The following SLC24A2 variants were observed in gnomAD, a reference collection of about 807,000 sequenced individuals.
SLC24A2 encodes the protein solute carrier family 24 member 2, also known as sodium/potassium/calcium exchanger 2.
A neutral mutation model predicts 62.0 loss-of-function variants in SLC24A2; 36 were observed. That is an observed-to-expected ratio of 0.58 (90% CI 0.44 to 0.77). The LOEUF is 0.77. SLC24A2 is among the 30% of genes least tolerant of loss of function. The pLI is 0.00. For synonymous variants in SLC24A2, 358 were observed against 294.0 expected (o/e 1.22, Z -2.23); for missense variants, 846 against 817.9 (o/e 1.03, Z -0.42).
intron 2 of SLC24A2, among the ~76,000 whole-genome samples, chr9:19,718,502 G>A (rs1390845275): frequency 2.1e-5 from 3 of 142,766 alleles, no homozygotes; most frequent in African/African-American, 7.9e-5. Flanking sequence ...GTAGAAACAG[G>A]GTTTCACCAT....
chr9:19,674,601 T>C (rs889495717), intron 2 of SLC24A2, among the ~76,000 whole-genome samples: 4 of 152,242 alleles, frequency 2.6e-5, no homozygotes, highest in African/African-American at 4.8e-5. Flanking sequence ...ATTGGCTTAA[T>C]TTGAAAACCT....
intron 2 of SLC24A2, among the ~76,000 whole-genome samples, chr9:19,715,653 G>T (rs75725088): frequency 1.6e-4 from 25 of 152,270 alleles, no homozygotes; most frequent in African/African-American, 6.0e-4. Context: ...CAAATAAGCT[G>T]GCAAATGTGA....
chr9:19,914,757 C>A, the SLC24A2 span, among the ~76,000 whole-genome samples: 1 of 151,952 alleles, frequency 6.6e-6, no homozygotes, highest in East Asian at 1.9e-4. Context: ...GGCAAGAAGG[C>A]ATCCCATTTC....
intron 5 of SLC24A2, among the ~76,000 whole-genome samples, chr9:19,588,605 C>G (rs1836446043): frequency 6.6e-6 from 1 of 152,096 alleles, no homozygotes; most frequent in African/African-American, 2.4e-5. Context: ...TGTTATATTA[C>G]AAAGGCTTAT....
At chr9:19,531,841 T>C (rs1833725017) in intron 8 of SLC24A2, among the ~76,000 whole-genome samples, 1 of 152,096 alleles carries the variant, frequency 6.6e-6, no homozygotes, top group South Asian at 2.1e-4. Flanking sequence ...TCTTCATCTG[T>C]AAAATGGGAG....
At chr9:19,559,546 G>A (rs1183823269) in intron 7 of SLC24A2, among the ~76,000 whole-genome samples, 1 of 152,118 alleles carries the variant, frequency 6.6e-6, no homozygotes, top group Non-Finnish European at 1.5e-5. Flanking sequence ...GTTTTGTGCA[G>A]AGCTGAAAAC....
the SLC24A2 span, among the ~76,000 whole-genome samples, chr9:20,037,683 G>A: frequency 6.6e-6 from 1 of 152,136 alleles, no homozygotes; most frequent in East Asian, 1.9e-4. Flanking sequence ...CTAACACAGT[G>A]GTTCTCAACT....
intron 8 of SLC24A2, 102 bp downstream of exon 8, chr9:19,550,035 G>C (rs1486190333): frequency 1.0e-5 from 12 of 1,176,502 alleles, no homozygotes; most frequent in Non-Finnish European, 1.5e-5. Context: ...TTTGATACAA[G>C]TGTACTTCCT....
the SLC24A2 span, among the ~76,000 whole-genome samples, chr9:19,836,385 AC>A: frequency 1.3e-5 from 2 of 152,198 alleles, no homozygotes; most frequent in African/African-American, 4.8e-5. Flanking sequence ...ATAAAAAATG[AC>A]AAAGGGGATA....
the SLC24A2 span, among the ~76,000 whole-genome samples, chr9:19,981,027 T>G: frequency 2.6e-5 from 4 of 152,174 alleles, no homozygotes; most frequent in Non-Finnish European, 5.9e-5. Flanking sequence ...ATCTCCCCTT[T>G]ATAATGAATG....
intron 8 of SLC24A2, among the ~76,000 whole-genome samples, chr9:19,544,483 TG>T (rs1370654458): frequency 6.6e-6 from 1 of 152,164 alleles, no homozygotes; most frequent in Non-Finnish European, 1.5e-5. Context: ...TGATGCTAAC[TG>T]GTTATTTTGC....
At chr9:19,829,806 TATATACACACACACACACACAC>T in the SLC24A2 span, among the ~76,000 whole-genome samples, 1 of 111,700 alleles carries the variant, frequency 9.0e-6, no homozygotes, top group Admixed American at 8.9e-5. Flanking sequence ...TGTATATATA[TATATACACACACACACACACAC>T]ACACACACAC....
the SLC24A2 span, among the ~76,000 whole-genome samples, chr9:20,272,979 A>G: frequency 6.6e-6 from 1 of 152,192 alleles, no homozygotes; most frequent in Middle Eastern, 3.2e-3. Context: ...CATTTGGCCA[A>G]GCCAAGCCTA....
At chr9:20,131,833 C>A in the SLC24A2 span, among the ~76,000 whole-genome samples, 2 of 152,086 alleles carry the variant, frequency 1.3e-5, no homozygotes, top group African/African-American at 4.8e-5. Flanking sequence ...AATGAACACA[C>A]AGGTTTAGTG....
At chr9:19,548,155 G>T (rs1382965082) in intron 8 of SLC24A2, among the ~76,000 whole-genome samples, 1 of 151,560 alleles carries the variant, frequency 6.6e-6, no homozygotes, top group Non-Finnish European at 1.5e-5. Flanking sequence ...CAAGGTAATG[G>T]GATGGGGTTT....
the SLC24A2 span, among the ~76,000 whole-genome samples, chr9:19,864,181 C>T: frequency 6.6e-6 from 1 of 151,868 alleles, no homozygotes; most frequent in African/African-American, 2.4e-5. Context: ...GAGATTGAAG[C>T]CATGATAAAA....
chr9:19,760,268 C>G (rs1054609277), intron 2 of SLC24A2, among the ~76,000 whole-genome samples: 1 of 152,142 alleles, frequency 6.6e-6, no homozygotes, highest in Non-Finnish European at 1.5e-5. Context: ...CCCATCCATT[C>G]AAGGACAACG....
the SLC24A2 span, among the ~76,000 whole-genome samples, chr9:20,221,703 A>G: frequency 5.6e-4 from 85 of 152,192 alleles, no homozygotes; most frequent in African/African-American, 1.9e-3. Context: ...AAGAAAATGG[A>G]AGATGTTTAA....
chr9:19,602,599 TTTG>T (rs1162612965), intron 4 of SLC24A2, among the ~76,000 whole-genome samples: 8 of 152,140 alleles, frequency 5.3e-5, no homozygotes, highest in Non-Finnish European at 2.9e-5. Context: ...GATATTAGGT[TTTG>T]GTTTTTGAAA....
Sources: gnomAD v4.1 joint callset for allele counts (sites outside exome capture counted in the v4.1 genomes callset) on GRCh38, gnomAD v4.1.1 for gene constraint, MANE v1.5 for transcripts, NCBI Gene and HGNC (gene_info 2026-07-23, HGNC 2026-07-21) for gene names.